CEP85L: variants seen among roughly 807,000 people sequenced by gnomAD.
The protein encoded by CEP85L is centrosomal protein of 85 kDa-like.
CEP85L carries 60 observed loss-of-function variants against 100.3 expected under a neutral mutation model. The observed-to-expected ratio is 0.60, with a 90% CI of 0.49 to 0.74. The LOEUF is 0.74. Among genes scored for constraint, CEP85L ranks in the 30% least tolerant of loss-of-function variants. The pLI is 0.00. For missense variants in CEP85L, 973 were observed against 936.2 expected, an observed-to-expected ratio of 1.04 and a Z score of -0.51; for synonymous variants, 319 against 322.7, an observed-to-expected ratio of 0.99 and a Z score of 0.12.
intron 2 of CEP85L, among the ~76,000 whole-genome samples, chr6:118,623,290 C>T (rs922780854): frequency 6.6e-6 from 1 of 152,186 alleles, no homozygotes; most frequent in Non-Finnish European, 1.5e-5. Context: ...AAACTTCACC[C>T]ACATGCCTAA....
At chr6:118,689,706 T>A (rs529431418) in intron 1 of CEP85L, among the ~76,000 whole-genome samples, 61 of 152,276 alleles carry the variant, frequency 4.0e-4, no homozygotes, top group African/African-American at 1.4e-3. Context: ...GAACCAACCA[T>A]TTTGTTTTGG....
chr6:118,612,755 AC>A (rs1772732191), intron 2 of CEP85L, among the ~76,000 whole-genome samples: 1 of 150,430 alleles, frequency 6.6e-6, no homozygotes, highest in Non-Finnish European at 1.5e-5. Flanking sequence ...AGTTCAACAG[AC>A]CCAAAGCAGA....
intron 5 of CEP85L, chr6:118,501,442 G>A: frequency 2.6e-6 from 1 of 387,298 alleles, no homozygotes; most frequent in Non-Finnish European, 4.9e-6. Context: ...TGAATCAACT[G>A]ATGAGACAGC....
At chr6:118,545,807 G>A (rs1387958017) in intron 3 of CEP85L, among the ~76,000 whole-genome samples, 4 of 152,126 alleles carry the variant, frequency 2.6e-5, no homozygotes, top group Non-Finnish European at 5.9e-5. Context: ...AAGAAAATAA[G>A]TGCTAACACT....
At chr6:118,509,426 T>C (rs1481560946) in intron 5 of CEP85L, among the ~76,000 whole-genome samples, 9 of 152,118 alleles carry the variant, frequency 5.9e-5, no homozygotes, top group Non-Finnish European at 1.0e-4. Context: ...CAGTACTCAT[T>C]ATAAAGCCTT....
rs545913793 is a variant in CEP85L, at chr6:118,672,282, C to T, written c.-27-19474G>A. On this transcript the variant is annotated intron_variant, in intron 1 of 13. Transcript: ENST00000368488. The stretch of plus-strand genomic sequence containing the variant: ...CGAACTCCTGGCCTCAAGTGATCTG[C>T]CCACCTTGGCCTCCCAAAATGCTGG... Among the ~76,000 whole-genome samples, 189 of 152,294 alleles carry T rather than the reference C, an allele frequency of 1.2e-3. 1 individual carries two copies. The highest frequency in any genetic ancestry group is 4.4e-3 in the African/African-American group (184 of 41,574).
chr6:118,618,240 G>T (rs1773199486), intron 2 of CEP85L, among the ~76,000 whole-genome samples: 1 of 152,194 alleles, frequency 6.6e-6, no homozygotes, highest in Non-Finnish European at 1.5e-5. Context: ...CTGCCGGTTA[G>T]ATTTCTTTCC....
At chr6:118,545,099 C>T (rs1304996919) in intron 3 of CEP85L, among the ~76,000 whole-genome samples, 1 of 152,180 alleles carries the variant, frequency 6.6e-6, no homozygotes, top group African/African-American at 2.4e-5. Flanking sequence ...TGATTCAAAG[C>T]TTGCATTTTA....
At chr6:118,669,503 A>T (rs1275171650) in intron 1 of CEP85L, among the ~76,000 whole-genome samples, 1 of 152,168 alleles carries the variant, frequency 6.6e-6, no homozygotes, top group Non-Finnish European at 1.5e-5. Flanking sequence ...ATGGAAAGCA[A>T]CTGGGAAACA....
chr6:118,687,785 C>A (rs557220772), intron 1 of CEP85L, among the ~76,000 whole-genome samples: 84 of 152,298 alleles, frequency 5.5e-4, no homozygotes, highest in African/African-American at 1.8e-3. Flanking sequence ...CCGTTGCAGA[C>A]CCACGACTGA....
intron 2 of CEP85L, among the ~76,000 whole-genome samples, chr6:118,606,100 A>T (rs1772193345): frequency 6.6e-6 from 1 of 152,114 alleles, no homozygotes; most frequent in African/African-American, 2.4e-5. Flanking sequence ...TTTTTCCATA[A>T]AAACAAGTTC....
chr6:118,593,914 A>G (rs1475911977), intron 2 of CEP85L, among the ~76,000 whole-genome samples: 3 of 151,532 alleles, frequency 2.0e-5, no homozygotes, highest in Non-Finnish European at 4.4e-5. Flanking sequence ...AGCCTAGACT[A>G]CTCTCCTCCC....
intron 2 of CEP85L, chr6:118,573,888 G>A (rs984219924): frequency 2.6e-5 from 4 of 152,128 alleles, no homozygotes; most frequent in African/African-American, 9.7e-5. Flanking sequence ...AAAACTCTTA[G>A]AAGAAACTAA....
At chr6:118,545,814 C>T (rs1448285704) in intron 3 of CEP85L, among the ~76,000 whole-genome samples, 1 of 152,166 alleles carries the variant, frequency 6.6e-6, no homozygotes, top group Non-Finnish European at 1.5e-5. Flanking sequence ...TAAGTGCTAA[C>T]ACTAAATGAA....
At chr6:118,651,152 C>G (rs1369430312) in intron 1 of CEP85L, 45 bp downstream of exon 1, 2 of 1,466,942 alleles carry the variant, frequency 1.4e-6, no homozygotes, top group Admixed American at 2.5e-5. Flanking sequence ...GCGCCGCGGT[C>G]GGCCGTGACC....
intron 1 of CEP85L, among the ~76,000 whole-genome samples, chr6:118,701,237 G>T (rs1453746560): frequency 6.6e-6 from 1 of 152,162 alleles, no homozygotes; most frequent in African/African-American, 2.4e-5. Flanking sequence ...ATTTCTCAAA[G>T]AACTTAGAGC....
At chr6:118,700,403 C>A (rs9489505) in intron 1 of CEP85L, among the ~76,000 whole-genome samples, 5,096 of 152,314 alleles carry the variant, frequency 0.033, 131 homozygotes, top group African/African-American at 0.067. Context: ...ATAATTTACA[C>A]AACTTGCAGC....
intron 2 of CEP85L, among the ~76,000 whole-genome samples, chr6:118,631,288 T>G (rs1165083381): frequency 6.6e-6 from 1 of 152,154 alleles, no homozygotes; most frequent in South Asian, 2.1e-4. Context: ...GGAAATACCA[T>G]TATACTATCA....
chr6:118,630,548 A>C (rs1774079139), intron 2 of CEP85L, among the ~76,000 whole-genome samples: 1 of 152,238 alleles, frequency 6.6e-6, no homozygotes, highest in South Asian at 2.1e-4. Context: ...GTCCTTCAGT[A>C]GGTGAATGTT....
Sources: allele counts gnomAD v4.1 joint callset (sites outside exome capture counted in the v4.1 genomes callset), GRCh38; gene constraint gnomAD v4.1.1; transcripts MANE v1.5; gene names NCBI Gene and HGNC (gene_info 2026-07-23, HGNC 2026-07-21).